Variants in RERE observed in about 807,000 individuals in gnomAD.
The protein encoded by RERE is arginine-glutamic acid dipeptide repeats protein.
RERE carries 40 observed loss-of-function variants against 146.1 expected under a neutral mutation model. The ratio of observed to expected loss-of-function variants is 0.27; its 90% CI spans 0.21 to 0.36. The LOEUF (loss-of-function observed/expected upper bound fraction) is 0.36. Ranked by LOEUF, RERE falls within the 10% of genes least tolerant of loss-of-function variation. The pLI, the probability that RERE is intolerant of heterozygous loss-of-function variation, is 1.00. For synonymous variants in RERE, 1,003 were observed against 866.0 expected (o/e 1.16, Z -2.78); for missense variants, 1,933 against 2,138.7 (o/e 0.90, Z 1.90).
intron 12 of RERE, among the ~76,000 whole-genome samples, chr1:8,402,051 T>G (rs1472733683): frequency 6.6e-6 from 1 of 152,094 alleles, no homozygotes; most frequent in Non-Finnish European, 1.5e-5. Context: ...GTACTTTTAG[T>G]AGAGACGAGG....
At chr1:8,494,698 C>T (rs1324092023) in intron 10 of RERE, among the ~76,000 whole-genome samples, 1 of 151,956 alleles carries the variant, frequency 6.6e-6, no homozygotes, top group Non-Finnish European at 1.5e-5. Context: ...CAGAGCGAGA[C>T]TCCATCTCAA....
intron 8 of RERE, among the ~76,000 whole-genome samples, chr1:8,501,615 T>TG (rs1485687372): frequency 2.0e-5 from 2 of 99,464 alleles, no homozygotes; most frequent in Non-Finnish European, 2.1e-5. Flanking sequence ...GGGAGGGAGG[T>TG]GGGGGGTCAG....
At chr1:8,678,665 A>T (rs975589530) in intron 1 of RERE, among the ~76,000 whole-genome samples, 6 of 151,000 alleles carry the variant, frequency 4.0e-5, no homozygotes, top group Non-Finnish European at 7.4e-5. Context: ...ACTGCACTCT[A>T]GCCTGGGCGA....
chr1:8,582,998 A>G (rs1188261932), intron 4 of RERE, among the ~76,000 whole-genome samples: 1 of 152,206 alleles, frequency 6.6e-6, no homozygotes, highest in African/African-American at 2.4e-5. Flanking sequence ...AAAGCCAACT[A>G]GCAAAGGATA....
At chr1:8,451,536 C>T (rs1329351297) in intron 11 of RERE, among the ~76,000 whole-genome samples, 1 of 152,192 alleles carries the variant, frequency 6.6e-6, no homozygotes, top group Non-Finnish European at 1.5e-5. Context: ...GTCCTAACAT[C>T]CTGGGACACT....
intron 11 of RERE, among the ~76,000 whole-genome samples, chr1:8,446,973 C>T (rs573713372): frequency 2.0e-5 from 3 of 151,872 alleles, no homozygotes; most frequent in Non-Finnish European, 2.9e-5. Flanking sequence ...GCCACTGTGC[C>T]GGGCCTGTTC....
At chr1:8,772,063 ACCCAATTTTGTAAAATAAT>A (rs1640964393) in intron 1 of RERE, among the ~76,000 whole-genome samples, 1 of 152,172 alleles carries the variant, frequency 6.6e-6, no homozygotes, top group Non-Finnish European at 1.5e-5. Flanking sequence ...ATATCTATAT[ACCCAATTTTGTAAAATAAT>A]CCCAATTTTG....
chr1:8,640,870 A>T (rs924325089), intron 2 of RERE, among the ~76,000 whole-genome samples: 6 of 152,232 alleles, frequency 3.9e-5, no homozygotes, highest in Non-Finnish European at 4.4e-5. Flanking sequence ...AAAATAGTGA[A>T]GCATTTATCC....
In RERE at chr1:8,545,237, G is replaced by C. The variant is rs1645843532; in HGVS notation, c.726-3919C>G. On this transcript the variant is annotated intron_variant, in intron 6 of 22. Coordinates refer to ENST00000400908, the MANE Select transcript of RERE (RefSeq NM_001042681.2). ...CACTGTTAACAGAAATATGACTAAA[G>C]ACAGGGAAGCCCCATGTGTTAGCAT... is the stretch of plus-strand genomic sequence containing the variant. 3.3e-5 allele frequency among the ~76,000 whole-genome samples: 5 copies of C among 152,166 alleles called. No homozygotes were observed. The South Asian group carries it at 1.0e-3, about 31-fold the overall frequency.
At chr1:8,706,032 T>A (rs1198066477) in intron 1 of RERE, among the ~76,000 whole-genome samples, 1 of 143,206 alleles carries the variant, frequency 7.0e-6, no homozygotes, top group Non-Finnish European at 1.5e-5. Context: ...AGGAGAATGG[T>A]GTGAACCCAG....
Position 8,507,737 on chromosome 1 carries a change from C to CTTTTTTTTTTT in RERE, c.879+879_879+889dup, listed in dbSNP as rs58647657. Among the ~76,000 whole-genome samples the CTTTTTTTTTTT allele has an allele frequency of 5.0e-4, 43 of 85,944 alleles. 7 individuals are homozygous for CTTTTTTTTTTT. The highest frequency in any genetic ancestry group is 1.2e-3 in the African/African-American group (24 of 20,032). The allele number at this position is 85,944 out of a possible 152,430, so 56.4% of individuals were successfully genotyped here. ...AAAAGAGGTTTTAAACATCTTTTATCTTTTTTTTTTTTTTTTTTTGAGACA... is the reference window on the plus strand; with the variant it reads ...AAAAGAGGTTTTAAACATCTTTTATCTTTTTTTTTTTTTTTTTTTTTTTTTTTTTTGAGACA... On this transcript the variant is annotated intron_variant, in intron 8 of 22. Coordinates refer to ENST00000400908, the MANE Select transcript of RERE (RefSeq NM_001042681.2).
At chr1:8,663,704 C>T in intron 1 of RERE, among the ~76,000 whole-genome samples, 1 of 152,138 alleles carries the variant, frequency 6.6e-6, no homozygotes, top group Non-Finnish European at 1.5e-5. Flanking sequence ...TTAAAGCATA[C>T]AATTCATTTA....
intron 1 of RERE, among the ~76,000 whole-genome samples, chr1:8,725,830 C>T (rs895989699): frequency 1.6e-4 from 24 of 152,072 alleles, no homozygotes; most frequent in Non-Finnish European, 3.1e-4. Context: ...AAGTGATAGG[C>T]ATAATAGGCT....
chr1:8,644,399 A>T (rs1647231056), intron 2 of RERE, among the ~76,000 whole-genome samples: 1 of 152,156 alleles, frequency 6.6e-6, no homozygotes, highest in African/African-American at 2.4e-5. Flanking sequence ...CTCTCGTTCC[A>T]AGTAGGTTTT....
At chr1:8,376,231 C>T (rs1302574915) in intron 12 of RERE, among the ~76,000 whole-genome samples, 2 of 152,176 alleles carry the variant, frequency 1.3e-5, no homozygotes, top group African/African-American at 4.8e-5. Flanking sequence ...TGGAGTTCAA[C>T]GCAATAGCAT....
chr1:8,472,794 AG>A (rs2124153666), intron 10 of RERE, among the ~76,000 whole-genome samples: 1 of 152,054 alleles, frequency 6.6e-6, no homozygotes, highest in Non-Finnish European at 1.5e-5. Context: ...CCACTATAGC[AG>A]GATGTCATTC....
At chr1:8,457,925 A>C (rs144838947) in intron 11 of RERE, among the ~76,000 whole-genome samples, 1 of 152,126 alleles carries the variant, frequency 6.6e-6, no homozygotes, top group African/African-American at 2.4e-5. Flanking sequence ...GATTTAAGAC[A>C]GAAGTATGCC....
At chr1:8,722,168 C>T (rs1041085446) in intron 1 of RERE, among the ~76,000 whole-genome samples, 12 of 152,298 alleles carry the variant, frequency 7.9e-5, no homozygotes, top group South Asian at 6.2e-4. Flanking sequence ...AATCTTTAAA[C>T]GATATTTGTT....
intron 4 of RERE, among the ~76,000 whole-genome samples, chr1:8,603,351 TG>T (rs1452971822): frequency 6.6e-6 from 1 of 152,182 alleles, no homozygotes; most frequent in Non-Finnish European, 1.5e-5. Flanking sequence ...GGTTTCTGAG[TG>T]GCAATAACTG....
Sources: gnomAD v4.1 joint callset for allele counts (sites outside exome capture counted in the v4.1 genomes callset) on GRCh38, gnomAD v4.1.1 for gene constraint, MANE v1.5 for transcripts, NCBI Gene and HGNC (gene_info 2026-07-23, HGNC 2026-07-21) for gene names.